The following GASK1A variants were observed in gnomAD, a reference collection of about 807,000 sequenced individuals.
The protein encoded by GASK1A is golgi associated kinase 1A, also known as Golgi-associated kinase 1A.
Under a neutral mutation model 41.2 loss-of-function variants are expected in GASK1A, and 40 were observed. The ratio of observed to expected loss-of-function variants is 0.97; its 90% confidence interval spans 0.75 to 1.27. GASK1A has a LOEUF of 1.27. Among genes scored for constraint, GASK1A ranks in the 50% most tolerant of loss-of-function variants. The probability of loss-of-function intolerance (pLI) is 0.00; values close to 1 mark genes in which losing one functional copy is unlikely to be tolerated. For synonymous variants in GASK1A, 316 were observed against 307.1 expected, an observed-to-expected ratio of 1.03 and a Z score of -0.30; for missense variants, 678 against 745.1, an observed-to-expected ratio of 0.91 and a Z score of 1.05.
chr3:43,047,117 CTG>C lies in GASK1A; in HGVS notation c.1291-6401_1291-6400del, dbSNP rs1215828962. ...TTCCCAGTGGGGCTGCCTGATGGAG[CTG>C]TGAGAAGAGGGCCATCATCCTCCAG... On this transcript the variant is annotated intron_variant, in intron 2 of 4. Transcript: ENST00000430121. Among the ~76,000 whole-genome samples the C allele has an allele frequency of 2.6e-5, 4 of 152,336 alleles. No individual in the cohort carries two copies. In the East Asian group the frequency reaches 7.7e-4, roughly 29 times the overall value.
At chr3:42,985,587 G>GT (rs1553613312) in intron 1 of GASK1A, among the ~76,000 whole-genome samples, 67 of 85,834 alleles carry the variant, frequency 7.8e-4, no homozygotes, top group Admixed American at 1.9e-3. Context: ...GTGTGTGTGT[G>GT]GGCGGAGGCA....
intron 1 of GASK1A, among the ~76,000 whole-genome samples, chr3:43,024,525 C>T (rs28673478): frequency 0.17 from 26,175 of 152,090 alleles, 2,404 homozygotes; most frequent in Non-Finnish European, 0.2. Context: ...TTGAAACAAA[C>T]TCTGGGTACA....
chr3:43,050,657 A>G (rs2089684726), intron 2 of GASK1A, among the ~76,000 whole-genome samples: 1 of 152,078 alleles, frequency 6.6e-6, no homozygotes, highest in South Asian at 2.1e-4. Flanking sequence ...ATGTTGGTAC[A>G]CTTGATGGTG....
chr3:42,989,063 C>T (rs1042448511), intron 1 of GASK1A, among the ~76,000 whole-genome samples: 12 of 152,204 alleles, frequency 7.9e-5, no homozygotes, highest in Middle Eastern at 3.2e-3. Context: ...ACAGTCAAAC[C>T]ATAACATTAG....
intron 1 of GASK1A, among the ~76,000 whole-genome samples, chr3:43,016,107 G>T (rs1020204736): frequency 3.3e-5 from 5 of 151,962 alleles, no homozygotes; most frequent in Non-Finnish European, 5.9e-5. Flanking sequence ...TCACAGGAAG[G>T]GGCTGTGTGA....
intron 1 of GASK1A, among the ~76,000 whole-genome samples, chr3:42,982,313 G>C (rs2089286411): frequency 6.6e-6 from 1 of 152,140 alleles, no homozygotes; most frequent in Admixed American, 6.5e-5. Flanking sequence ...TATTGATAGA[G>C]AAAGTTGAAA....
intron 1 of GASK1A, among the ~76,000 whole-genome samples, chr3:42,988,097 T>C (rs773144389): frequency 3.9e-5 from 6 of 151,922 alleles, no homozygotes; most frequent in Admixed American, 1.3e-4. Context: ...CTGTGGTCCC[T>C]GATGCTCTCC....
At chr3:42,997,262 G>T (rs1014724915) in intron 1 of GASK1A, among the ~76,000 whole-genome samples, 1 of 152,192 alleles carries the variant, frequency 6.6e-6, no homozygotes, top group Non-Finnish European at 1.5e-5. Flanking sequence ...AGTGTCTGGG[G>T]TTGAGTTGCT....
chr3:42,979,686 C>T (rs1224519945), intron 1 of GASK1A, 41 bp downstream of exon 1: 1 of 1,245,686 alleles, frequency 8.0e-7, no homozygotes, highest in Non-Finnish European at 1.0e-6. Context: ...GAGGGTGGGG[C>T]GATCACCAGG....
intron 2 of GASK1A, among the ~76,000 whole-genome samples, chr3:43,045,519 C>T (rs1047973483): frequency 1.3e-5 from 2 of 152,204 alleles, no homozygotes; most frequent in African/African-American, 4.8e-5. Context: ...GTAGTTATGA[C>T]AGAGACTGTA....
At chr3:43,004,276 G>T (rs534936942) in intron 1 of GASK1A, among the ~76,000 whole-genome samples, 1 of 152,324 alleles carries the variant, frequency 6.6e-6, no homozygotes, top group South Asian at 2.1e-4. Flanking sequence ...TATTTCATTG[G>T]CCAAGGAGAC....
At chr3:43,032,230 C>T (rs1360778607) in intron 1 of GASK1A, 37 bp from the exon 2 acceptor site, 1 of 1,455,710 alleles carries the variant, frequency 6.9e-7, no homozygotes, top group East Asian at 2.5e-5. Context: ...GATGTATTTC[C>T]CAGATCTCAA....
chr3:43,018,213 A>G (rs2089504441), intron 1 of GASK1A, among the ~76,000 whole-genome samples: 1 of 152,222 alleles, frequency 6.6e-6, no homozygotes, highest in Non-Finnish European at 1.5e-5. Context: ...TTGTGAAGTG[A>G]GAAGTACATG....
chr3:43,039,205 G>GTTTTTTTTTTTTTTTT (rs1329284553), intron 2 of GASK1A, among the ~76,000 whole-genome samples: 1 of 125,788 alleles, frequency 7.9e-6, no homozygotes, highest in Non-Finnish European at 1.7e-5. Flanking sequence ...TTTTTTTTTG[G>GTTTTTTTTTTTTTTTT]TTTTTTTTTT....
At chr3:43,019,482 A>G (rs1359519841) in intron 1 of GASK1A, among the ~76,000 whole-genome samples, 1 of 152,214 alleles carries the variant, frequency 6.6e-6, no homozygotes, top group Non-Finnish European at 1.5e-5. Flanking sequence ...AGTTCCTCCT[A>G]GGACTGGGAC....
chr3:43,015,884 C>T (rs866699946), intron 1 of GASK1A, among the ~76,000 whole-genome samples: 7 of 150,062 alleles, frequency 4.7e-5, no homozygotes, highest in Non-Finnish European at 1.0e-4. Context: ...CAGGAAGAGG[C>T]AGTGTAAAGC....
intron 1 of GASK1A, among the ~76,000 whole-genome samples, chr3:43,028,253 A>G (rs758279933): frequency 3.7e-4 from 56 of 152,196 alleles, no homozygotes; most frequent in Non-Finnish European, 5.9e-4. Flanking sequence ...GTTGATGTCA[A>G]TGCTGGTCAG....
At position 43,032,695 on chromosome 3, in the gene GASK1A, A is replaced by C. The variant is rs1391368133; in HGVS notation, c.432A>C (p.Gly144=). 44 of 1,551,672 alleles carry C rather than the reference A, an allele frequency of 2.8e-5. No individual in the cohort carries two copies. The highest frequency in any genetic ancestry group is 3.8e-5 in the Non-Finnish European group (44 of 1,146,992). ...TGCTCCTGAGGGAGGATGAGGTTGG[A>C]GATCCAGGAACCAAAGACCTGGGCC... is the stretch of plus-strand genomic sequence containing the variant. ...HVVLLREDEV[G]DPGTKDLGHP... Residue 144 remains glycine (G), a synonymous_variant, in exon 2 of 5, where the codon GGA becomes GGC. Coordinates refer to ENST00000430121, the MANE Select transcript of GASK1A (RefSeq NM_001129908.3).
intron 1 of GASK1A, among the ~76,000 whole-genome samples, chr3:43,001,906 C>G (rs1399625224): frequency 6.6e-6 from 1 of 152,164 alleles, no homozygotes; most frequent in African/African-American, 2.4e-5. Context: ...CTCTCTTCAA[C>G]CACCCTCTTT....
Sources: allele counts gnomAD v4.1 joint callset (sites outside exome capture counted in the v4.1 genomes callset), GRCh38; gene constraint gnomAD v4.1.1; transcripts MANE v1.5; gene names NCBI Gene and HGNC (gene_info 2026-07-23, HGNC 2026-07-21).